Variants in MCCC1 observed in about 807,000 individuals in gnomAD.
MCCC1 encodes methylcrotonyl-CoA carboxylase subunit 1.
MCCC1 carries 64 observed loss-of-function variants against 83.8 expected under a neutral mutation model. The observed-to-expected ratio is 0.76, with a 90% CI of 0.62 to 0.94. The LOEUF (loss-of-function observed/expected upper bound fraction) is 0.94. Among genes scored for constraint, MCCC1 ranks in the 40% least tolerant of loss-of-function variants. The pLI is 0.00. For synonymous variants in MCCC1, 322 were observed against 315.4 expected, an observed-to-expected ratio of 1.02 and a Z score of -0.22; for missense variants, 807 against 904.7, an observed-to-expected ratio of 0.89 and a Z score of 1.39.
intron 9 of MCCC1, among the ~76,000 whole-genome samples, chr3:183,050,267 A>T (rs554535487): frequency 3.9e-4 from 60 of 152,372 alleles, no homozygotes; most frequent in African/African-American, 1.3e-3. Flanking sequence ...CTTCCAAAAC[A>T]GAAAGCACAA....
chr3:183,093,191 G>A (rs1435764623), intron 2 of MCCC1, among the ~76,000 whole-genome samples: 1 of 152,160 alleles, frequency 6.6e-6, no homozygotes, highest in East Asian at 1.9e-4. Flanking sequence ...ACCACACCCG[G>A]CCAATACTAA....
upstream of MCCC1, among the ~76,000 whole-genome samples, chr3:183,103,987 G>A (rs988373431): frequency 6.6e-6 from 1 of 152,180 alleles, no homozygotes; most frequent in African/African-American, 2.4e-5. Flanking sequence ...CCGCTGGCCC[G>A]GGTGCTAAGC....
intron 14 of MCCC1, 147 bp from the exon 15 acceptor site, chr3:183,025,951 A>G: frequency 1.4e-6 from 1 of 700,144 alleles, no homozygotes; most frequent in Admixed American, 2.6e-5. Context: ...GAAATAAAGT[A>G]TTTTGTTAGA....
chr3:183,045,432 A>G lies in MCCC1; in HGVS notation c.1064T>C (p.Leu355Ser). 6.2e-7 allele frequency: 1 copy of G among 1,614,082 alleles called. No homozygotes were observed. ...PVTEMITGTD[L>S]VEWQLRIAAG... ...TCTCACTCTAAGCTGCCACTCCACC[A>G]AGTCAGTTCCTGTGATCATCTCAGT... The change falls in exon 10 of 19, where the codon TTG becomes TCG. Residue 355 changes from leucine to serine, a missense_variant. Physicochemically the swap from Leu to Ser is moderately radical, Grantham distance 145. Coordinates refer to ENST00000265594, the MANE Select transcript of MCCC1 (RefSeq NM_020166.5).
rs114484300 is a variant in MCCC1, at chr3:183,092,377, G to A, written c.273+32C>T. 5.3e-4 allele frequency: 850 copies of A among 1,613,658 alleles called. No homozygotes were observed. The African/African-American group carries it at 9.0e-3, about 17-fold the overall frequency. On this transcript the variant is annotated intron_variant, in intron 3 of 18. Transcript: ENST00000265594. ...ATACTGACACAGTAAACGAATAAAC[G>A]TAAGACGTGGCTTCCAATTTTTAAC...
upstream of MCCC1, among the ~76,000 whole-genome samples, chr3:183,100,266 A>G (rs1333244047): frequency 2.0e-5 from 3 of 152,260 alleles, no homozygotes. Flanking sequence ...CTTAACTTCA[A>G]GTGAACTTAA....
At chr3:183,029,670 A>C (rs1423135618) in intron 14 of MCCC1, among the ~76,000 whole-genome samples, 2 of 151,902 alleles carry the variant, frequency 1.3e-5, no homozygotes, top group East Asian at 3.9e-4. Flanking sequence ...CTTTAGACTC[A>C]TAAATGCTTC....
At chr3:183,106,470 G>GTTTCTTTGTTCT in intron 1 of MCCC1, among the ~76,000 whole-genome samples, 1 of 141,460 alleles carries the variant, frequency 7.1e-6, no homozygotes, top group African/African-American at 2.8e-5. Context: ...TTTCCCAAAT[G>GTTTCTTTGTTCT]TTTCTTTGTT....
chr3:183,015,611 G>A (rs1490421047), intron 18 of MCCC1, 45 bp from the exon 19 acceptor site: 3 of 1,612,400 alleles, frequency 1.9e-6, no homozygotes, highest in Non-Finnish European at 2.5e-6. Flanking sequence ...CAATACTAAT[G>A]AGGACTGAGT....
intron 12 of MCCC1, among the ~76,000 whole-genome samples, chr3:183,038,385 T>C (rs1170918253): frequency 1.3e-5 from 2 of 152,182 alleles, no homozygotes; most frequent in Non-Finnish European, 2.9e-5. Flanking sequence ...CATGGCTCCA[T>C]GCTGAGTGAG....
chr3:183,040,737 C>T (rs926520162), intron 11 of MCCC1, among the ~76,000 whole-genome samples: 4 of 150,820 alleles, frequency 2.7e-5, no homozygotes, highest in Non-Finnish European at 5.9e-5. Context: ...CAAAAACAAA[C>T]AAAAAAACAA....
chr3:183,015,469 T>C lies in MCCC1; in HGVS notation c.2147A>G (p.Glu716Gly). ...CGATTCCCTTTTGTCTGATTCTTCC[T>C]CCTCAAACTCGACTAAAGGAGTGTG... ...NRHTPLVEFE[E>G]EESDKRESE Residue 716 changes from glutamate to glycine, a missense_variant, in exon 19 of 19, where the codon GAG (glutamate) becomes GGG (glycine). Glu to Gly is a moderately conservative substitution (Grantham distance 98, BLOSUM62 -2). Transcript: ENST00000265594. 6.2e-7 allele frequency: 1 copy of C among 1,614,178 alleles called. No individual in the cohort carries two copies. The highest frequency in any genetic ancestry group is 8.5e-7 in the Non-Finnish European group (1 of 1,180,024).
chr3:183,050,705 C>CAA (rs746973567), intron 9 of MCCC1, among the ~76,000 whole-genome samples: 112 of 42,620 alleles, frequency 2.6e-3, no homozygotes, highest in Non-Finnish European at 3.2e-3. Context: ...GACTCTGTCT[C>CAA]AAAAAAAAAA....
At chr3:183,092,242 G>A in intron 3 of MCCC1, 167 bp downstream of exon 3, 1 of 755,308 alleles carries the variant, frequency 1.3e-6, no homozygotes, top group South Asian at 1.7e-5. Context: ...TAGTTCAACT[G>A]ATGTTATATC....
Position 183,034,058 on chromosome 3 carries a change from C to A in MCCC1, c.1614G>T (p.Ser538=), listed in dbSNP as rs34749281. The A allele has an allele frequency of 6.2e-7, 1 of 1,609,930 alleles. No homozygotes were observed. Among genetic ancestry groups the A allele is most frequent in the Non-Finnish European group, 8.5e-7 (1 of 1,177,678 alleles). Residue 538 remains serine (S), a synonymous_variant, in exon 14 of 19, where the codon TCG becomes TCT. Transcript: ENST00000265594. The part of the protein sequence containing the change: ...LQAHDQFSPF[S]SSSGRRLNIS... ...TATTCAGTCTTCTTCCACTGCTAGA[C>A]GAAAATGGAGAGAATTGATCTAGAA...
At chr3:183,090,653 G>A (rs997139261) in intron 3 of MCCC1, among the ~76,000 whole-genome samples, 4 of 151,348 alleles carry the variant, frequency 2.6e-5, no homozygotes, top group South Asian at 4.2e-4. Context: ...GCAATGGCAC[G>A]ATCTCAGCTC....
At chr3:183,110,802 G>T (rs1036198912) in intron 1 of MCCC1, among the ~76,000 whole-genome samples, 3 of 151,914 alleles carry the variant, frequency 2.0e-5, no homozygotes, top group African/African-American at 7.3e-5. Context: ...ATCCATCTTG[G>T]GTTAATTTTT....
upstream of MCCC1, among the ~76,000 whole-genome samples, chr3:183,102,558 G>A (rs1413391521): frequency 6.6e-6 from 1 of 151,868 alleles, no homozygotes; most frequent in African/African-American, 2.4e-5. Context: ...GACAAAATCT[G>A]ACCTTCATTC....
intron 11 of MCCC1, among the ~76,000 whole-genome samples, chr3:183,041,238 G>A (rs1714057751): frequency 6.6e-6 from 1 of 152,152 alleles, no homozygotes; most frequent in African/African-American, 2.4e-5. Context: ...AAGGCAGTCT[G>A]CCTTGTGCAT....
Sources: allele counts gnomAD v4.1 joint callset (sites outside exome capture counted in the v4.1 genomes callset), GRCh38; gene constraint gnomAD v4.1.1; transcripts MANE v1.5; gene names NCBI Gene and HGNC (gene_info 2026-07-23, HGNC 2026-07-21).